UGT2B7: variants seen among roughly 807,000 people sequenced by gnomAD.
UGT2B7 encodes the protein UDP-glucuronosyltransferase 2B7.
In UGT2B7, 51 loss-of-function variants were observed where a neutral mutation model predicts 51.9. The observed-to-expected ratio is 0.98, with a 90% confidence interval of 0.78 to 1.24. The LOEUF (loss-of-function observed/expected upper bound fraction) is 1.24. Ranked by LOEUF, UGT2B7 falls within the 50% of genes most tolerant of loss-of-function variation. UGT2B7 has a pLI of 0.00. For missense variants in UGT2B7, 727 were observed against 628.4 expected, an observed-to-expected ratio of 1.16 and a Z score of -1.68; for synonymous variants, 225 against 211.6, an observed-to-expected ratio of 1.06 and a Z score of -0.55.
intron 1 of UGT2B7, among the ~76,000 whole-genome samples, chr4:69,074,348 G>T (rs1263258883): frequency 2.0e-5 from 3 of 151,314 alleles, no homozygotes; most frequent in Non-Finnish European, 4.4e-5. Flanking sequence ...CTTGACCTTG[G>T]TAGGTTGAGG....
chr4:69,097,347 G>A, intron 1 of UGT2B7, 106 bp downstream of exon 1: 1 of 1,337,524 alleles, frequency 7.5e-7, no homozygotes, highest in Non-Finnish European at 1.0e-6. Flanking sequence ...TTTGGTAAGT[G>A]AATTTATAAA....
intron 3 of UGT2B7, 33 bp downstream of exon 3, chr4:69,102,971 T>C (rs1719471983): frequency 6.3e-7 from 1 of 1,598,506 alleles, no homozygotes; most frequent in Non-Finnish European, 8.5e-7. Context: ...TGTGGAAAAC[T>C]ACTGAAAGAG....
intron 1 of UGT2B7, among the ~76,000 whole-genome samples, chr4:69,068,661 A>G (rs1247066767): frequency 6.6e-6 from 1 of 151,952 alleles, no homozygotes; most frequent in Non-Finnish European, 1.5e-5. Flanking sequence ...ACCCAATTGT[A>G]TGAAAAAATA....
In UGT2B7 at chr4:69,097,060, T is replaced by C; in HGVS notation, c.540T>C (p.Phe180=). The stretch of plus-strand genomic sequence containing the variant: ...TCAGCTTCTCTCCTGGCTACACTTT[T>C]GAAAAGCATAGTGGAGGATTTATTT... ...YSLSFSPGYT[F]EKHSGGFIFP... Residue 180 remains phenylalanine, a synonymous_variant, in exon 1 of 6, where the codon TTT becomes TTC. Coordinates refer to ENST00000305231, the MANE Select transcript of UGT2B7 (RefSeq NM_001074.4). 1 of 1,613,828 alleles carries C rather than the reference T, an allele frequency of 6.2e-7. No homozygotes were observed. The highest frequency in any genetic ancestry group is 8.5e-7 in the Non-Finnish European group (1 of 1,179,776).
At chr4:69,091,343 A>G (rs1219301495) in intron 2 of UGT2B7, among the ~76,000 whole-genome samples, 5 of 152,178 alleles carry the variant, frequency 3.3e-5, no homozygotes, top group African/African-American at 1.2e-4. Flanking sequence ...GTGTGGAATG[A>G]AAGAAAGTGT....
chr4:69,082,790 T>C (rs1718867263), intron 1 of UGT2B7, among the ~76,000 whole-genome samples: 1 of 152,162 alleles, frequency 6.6e-6, no homozygotes, highest in Admixed American at 6.6e-5. Flanking sequence ...GTGATTACAC[T>C]AAACAACAGA....
At chr4:69,091,386 T>A (rs74971799) in intron 2 of UGT2B7, among the ~76,000 whole-genome samples, 1,584 of 148,084 alleles carry the variant, frequency 0.011, 28 homozygotes, top group African/African-American at 0.037. Flanking sequence ...AATTAGAAAC[T>A]TTAAAGATTT....
intron 1 of UGT2B7, among the ~76,000 whole-genome samples, chr4:69,063,773 G>A (rs569640560): frequency 5.3e-5 from 8 of 152,012 alleles, no homozygotes; most frequent in Non-Finnish European, 1.2e-4. Context: ...TAAAACAGTA[G>A]GGGTAGTGTT....
At chr4:69,089,797 G>A (rs1283941637) in intron 2 of UGT2B7, among the ~76,000 whole-genome samples, 2 of 152,130 alleles carry the variant, frequency 1.3e-5, no homozygotes, top group African/African-American at 4.8e-5. Context: ...AGTTACTTTG[G>A]AAATACTTCT....
intron 1 of UGT2B7, among the ~76,000 whole-genome samples, chr4:69,063,518 C>A (rs1718405038): frequency 6.6e-6 from 1 of 152,012 alleles, no homozygotes; most frequent in Admixed American, 6.6e-5. Flanking sequence ...CCCAGCAAGC[C>A]ACAGAAATAA....
intron 1 of UGT2B7, chr4:69,089,401 A>C (rs1352513754): frequency 6.6e-6 from 1 of 152,198 alleles, no homozygotes; most frequent in African/African-American, 2.4e-5. Flanking sequence ...GATTTTTATT[A>C]AAGCATAAGT....
chr4:69,078,704 T>C (rs941214796), intron 1 of UGT2B7, among the ~76,000 whole-genome samples: 4 of 152,146 alleles, frequency 2.6e-5, no homozygotes, highest in African/African-American at 9.7e-5. Context: ...TCAGCCCTAA[T>C]CTGCTGTTTT....
intron 1 of UGT2B7, among the ~76,000 whole-genome samples, chr4:69,062,532 C>T (rs1718370753): frequency 6.6e-6 from 1 of 152,120 alleles, no homozygotes; most frequent in African/African-American, 2.4e-5. Flanking sequence ...TTGTCCACTC[C>T]CACTGTTGTT....
upstream of UGT2B7, among the ~76,000 whole-genome samples, chr4:69,093,465 C>T (rs62296943): frequency 0.59 from 89,353 of 152,068 alleles, 27,518 homozygotes; most frequent in African/African-American, 0.75. Context: ...AAATGGGGCC[C>T]GCAGACTGTC....
chr4:69,088,686 T>C (rs1488300608), intron 1 of UGT2B7, among the ~76,000 whole-genome samples: 2 of 152,142 alleles, frequency 1.3e-5, no homozygotes, highest in African/African-American at 4.8e-5. Flanking sequence ...TTCCTGCTAA[T>C]AGGAACACCA....
intron 5 of UGT2B7, 90 bp downstream of exon 5, chr4:69,108,412 A>G (rs888291583): frequency 7.2e-7 from 1 of 1,387,956 alleles, no homozygotes; most frequent in Non-Finnish European, 9.7e-7. Context: ...TTTATAAGAG[A>G]CTAATTTTGA....
At chr4:69,057,284 C>T (rs898593979) in intron 1 of UGT2B7, among the ~76,000 whole-genome samples, 2 of 152,144 alleles carry the variant, frequency 1.3e-5, no homozygotes, top group Non-Finnish European at 2.9e-5. Flanking sequence ...GAATAAAGCC[C>T]TTCCTTCTAC....
At chr4:69,077,218 A>G (rs896372855) in intron 1 of UGT2B7, among the ~76,000 whole-genome samples, 14 of 151,554 alleles carry the variant, frequency 9.2e-5, no homozygotes, top group African/African-American at 3.4e-4. Context: ...GCAGCATGAT[A>G]CCTCCAGCTT....
At chr4:69,109,908 G>A (rs907161971) in intron 5 of UGT2B7, among the ~76,000 whole-genome samples, 1 of 151,416 alleles carries the variant, frequency 6.6e-6, no homozygotes, top group African/African-American at 2.4e-5. Context: ...GAAGGATAAT[G>A]AATGATAAAA....
Sources: gnomAD v4.1 joint callset for allele counts (sites outside exome capture counted in the v4.1 genomes callset) on GRCh38, gnomAD v4.1.1 for gene constraint, MANE v1.5 for transcripts, NCBI Gene and HGNC (gene_info 2026-07-23, HGNC 2026-07-21) for gene names.